The following LTBP1 variants were observed in gnomAD, a reference collection of about 807,000 sequenced individuals.
The protein encoded by LTBP1 is latent-transforming growth factor beta-binding protein 1.
Under a neutral mutation model 207.6 loss-of-function variants are expected in LTBP1, and 129 were observed. The observed-to-expected ratio is 0.62, with a 90% CI of 0.54 to 0.72. The LOEUF (loss-of-function observed/expected upper bound fraction) is 0.72, where lower values mean the gene tolerates loss of function less well. Among genes scored for constraint, LTBP1 ranks in the 30% least tolerant of loss-of-function variants. LTBP1 has a pLI of 0.00. For synonymous variants in LTBP1, 963 were observed against 833.7 expected, an observed-to-expected ratio of 1.16 and a Z score of -2.67; for missense variants, 2,281 against 2,217.2, an observed-to-expected ratio of 1.03 and a Z score of -0.58.
intron 22 of LTBP1, among the ~76,000 whole-genome samples, chr2:33,307,862 T>C (rs1179103472): frequency 6.6e-6 from 1 of 152,228 alleles, no homozygotes; most frequent in Non-Finnish European, 1.5e-5. Context: ...CACTCTCTTA[T>C]TTCTCTTTTG....
intron 4 of LTBP1, among the ~76,000 whole-genome samples, chr2:33,123,519 T>G (rs1450837499): frequency 2.0e-5 from 3 of 152,138 alleles, no homozygotes; most frequent in African/African-American, 7.2e-5. Flanking sequence ...TTGAAAGGGT[T>G]TTTCAAAGAC....
Position 33,301,524 on chromosome 2 carries a change from A to G in LTBP1, c.3361A>G (p.Ile1121Val), listed in dbSNP as rs756880597. ...TCTTTGTATTCTCTTGCTCATAGAC[A>G]TTGATGAATGCCAGCACCGTCATCT... ...LSAAKDQCED[I>V]DECQHRHLCA... is the part of the protein sequence containing the mutation. The change falls in exon 22 of 34, where the codon ATT (isoleucine) becomes GTT (valine). Residue 1121 changes from isoleucine to valine, a missense_variant and splice_region_variant. By Grantham distance (29) the Ile-to-Val change is conservative. Transcript: ENST00000404816. 1.9e-6 allele frequency: 3 copies of G among 1,592,376 alleles called. No individual in the cohort carries two copies. Among genetic ancestry groups the G allele is most frequent in the Admixed American group, 1.9e-5 (1 of 53,804 alleles).
chr2:33,220,052 C>G (rs1284147748), intron 8 of LTBP1, among the ~76,000 whole-genome samples: 1 of 152,098 alleles, frequency 6.6e-6, no homozygotes, highest in Admixed American at 6.6e-5. Context: ...TGAAAAAAAT[C>G]CATATGTTGG....
chr2:33,019,258 G>T (rs571337992), intron 2 of LTBP1, among the ~76,000 whole-genome samples: 52 of 151,240 alleles, frequency 3.4e-4, no homozygotes, highest in Middle Eastern at 3.4e-3. Flanking sequence ...ATAAAGAAGG[G>T]ACTGAAGGAA....
chr2:33,095,131 C>G (rs528919075), intron 3 of LTBP1, among the ~76,000 whole-genome samples: 2 of 152,018 alleles, frequency 1.3e-5, no homozygotes, highest in East Asian at 3.9e-4. Flanking sequence ...CAATAGTGAT[C>G]TTGAATAAAG....
intron 10 of LTBP1, 134 bp downstream of exon 10, chr2:33,243,918 C>G (rs1337440236): frequency 2.1e-6 from 2 of 955,248 alleles, no homozygotes; most frequent in Non-Finnish European, 3.1e-6. Flanking sequence ...AAATAACAAG[C>G]AAGGGGCCTG....
At chr2:33,189,573 A>T (rs115080383) in intron 7 of LTBP1, among the ~76,000 whole-genome samples, 89 of 152,348 alleles carry the variant, frequency 5.8e-4, no homozygotes, top group African/African-American at 2.1e-3. Context: ...AAAATGTGTC[A>T]GGCGTGAGAT....
chr2:33,119,766 G>A (rs991635169), intron 4 of LTBP1, among the ~76,000 whole-genome samples: 3 of 152,034 alleles, frequency 2.0e-5, no homozygotes, highest in African/African-American at 7.3e-5. Flanking sequence ...CACCATATTA[G>A]CCAGGATGGT....
Position 32,995,656 on chromosome 2 carries a change from G to T in LTBP1, c.566-25253G>T, listed in dbSNP as rs182095505. 5.7e-3 allele frequency among the ~76,000 whole-genome samples: 861 copies of T among 152,294 alleles called. 5 individuals are homozygous for T. Among genetic ancestry groups the T allele is most frequent in the African/African-American group, 0.019 (770 of 41,548 alleles). ...CAAAAAAAATTAGCCGGGCGTGGTG[G>T]CGGGCACCTGTAGTCCCAGCTACTC... On this transcript the variant is annotated intron_variant, in intron 2 of 33. Coordinates refer to ENST00000404816, the MANE Select transcript of LTBP1 (RefSeq NM_206943.4).
intron 3 of LTBP1, among the ~76,000 whole-genome samples, chr2:33,075,080 G>T (rs567976880): frequency 6.6e-6 from 1 of 151,766 alleles, no homozygotes; most frequent in East Asian, 1.9e-4. Flanking sequence ...AACAAAAAAT[G>T]GATAAAAAAA....
chr2:33,040,120 AAG>A (rs2076111946), intron 3 of LTBP1, among the ~76,000 whole-genome samples: 2 of 152,196 alleles, frequency 1.3e-5, no homozygotes, highest in Admixed American at 1.3e-4. Flanking sequence ...AAAAATGAGC[AAG>A]AGTTACTTGA....
rs142181295 is a variant in LTBP1 at position 33,144,966 on chromosome 2, G to C, written c.1201+10006G>C. ...GTCATCTTCATGCTAAGCAGTCCAG[G>C]AAAATAAAATAACTACCAAATGGAG... On this transcript the variant is annotated intron_variant, in intron 5 of 33. Transcript: ENST00000404816. Among the ~76,000 whole-genome samples, 1,027 of 152,208 alleles carry C rather than the reference G, an allele frequency of 6.7e-3. 5 individuals carry two copies. Among genetic ancestry groups the C allele is most frequent in the Middle Eastern group, 0.041 (12 of 294 alleles).
chr2:33,254,218 A>G (rs898527392), intron 11 of LTBP1, among the ~76,000 whole-genome samples: 1 of 151,890 alleles, frequency 6.6e-6, no homozygotes, highest in Non-Finnish European at 1.5e-5. Flanking sequence ...ATTTATAGAC[A>G]CGTTTCTCTT....
At chr2:33,341,729 A>AAAAAAATATAT (rs745445793) in intron 24 of LTBP1, among the ~76,000 whole-genome samples, 47 of 93,620 alleles carry the variant, frequency 5.0e-4, no homozygotes, top group African/African-American at 1.8e-3. Flanking sequence ...AAAAAAAAAA[A>AAAAAAATATAT]ATATATATAT....
chr2:33,197,642 C>A (rs2088710877), intron 7 of LTBP1, among the ~76,000 whole-genome samples: 1 of 152,184 alleles, frequency 6.6e-6, no homozygotes, highest in Non-Finnish European at 1.5e-5. Flanking sequence ...TGGCATCTGA[C>A]TTTTTGATTG....
intron 2 of LTBP1, among the ~76,000 whole-genome samples, chr2:33,018,470 G>A (rs1328803472): frequency 6.6e-6 from 1 of 152,160 alleles, no homozygotes; most frequent in African/African-American, 2.4e-5. Context: ...ACATGAAAGG[G>A]CCTGGGTGGT....
intron 15 of LTBP1, among the ~76,000 whole-genome samples, 183 bp downstream of exon 15, chr2:33,263,575 T>C (rs188467766): frequency 1.3e-3 from 194 of 152,330 alleles, no homozygotes; most frequent in African/African-American, 4.4e-3. Flanking sequence ...ATAGTATATA[T>C]GAAACAGAAT....
intron 4 of LTBP1, among the ~76,000 whole-genome samples, chr2:33,122,611 G>A (rs1252490422): frequency 2.0e-5 from 3 of 152,184 alleles, no homozygotes; most frequent in South Asian, 2.1e-4. Flanking sequence ...TGGAACAGAC[G>A]TATAATACCA....
intron 4 of LTBP1, among the ~76,000 whole-genome samples, chr2:33,121,833 A>T (rs2081140885): frequency 6.6e-6 from 1 of 151,990 alleles, no homozygotes; most frequent in African/African-American, 2.4e-5. Context: ...TGGTTTTGGT[A>T]ACTGTAGAAA....
Sources: gnomAD v4.1 joint callset for allele counts (sites outside exome capture counted in the v4.1 genomes callset) on GRCh38, gnomAD v4.1.1 for gene constraint, MANE v1.5 for transcripts, NCBI Gene and HGNC (gene_info 2026-07-23, HGNC 2026-07-21) for gene names.